STXBP5L: variants seen among roughly 807,000 people sequenced by gnomAD.
STXBP5L encodes the protein syntaxin-binding protein 5-like.
A neutral mutation model predicts 144.5 loss-of-function variants in STXBP5L; 65 were observed. That is an observed-to-expected ratio of 0.45 (90% confidence interval 0.37 to 0.55). STXBP5L has a LOEUF of 0.55. Among genes scored for constraint, STXBP5L ranks in the 20% least tolerant of loss-of-function variants. The pLI is 0.00. For missense variants in STXBP5L, 1,298 were observed against 1,405.5 expected (o/e 0.92, Z 1.22); for synonymous variants, 505 against 469.6 (o/e 1.08, Z -0.97).
At chr3:121,029,204 A>G (rs1472754644) in intron 3 of STXBP5L, among the ~76,000 whole-genome samples, 1 of 152,196 alleles carries the variant, frequency 6.6e-6, no homozygotes, top group Non-Finnish European at 1.5e-5. Context: ...GGAACCAAAA[A>G]AGAGCCCATA....
At chr3:121,321,024 A>C (rs2043953952) in intron 20 of STXBP5L, among the ~76,000 whole-genome samples, 1 of 152,208 alleles carries the variant, frequency 6.6e-6, no homozygotes, top group Non-Finnish European at 1.5e-5. Flanking sequence ...ATTTCAAAGC[A>C]GACTCAGAAA....
At position 121,418,548 on chromosome 3, in the gene STXBP5L, T is replaced by G; in HGVS notation, c.3438T>G (p.His1146Gln). 2 of 1,613,874 alleles carry G rather than the reference T, an allele frequency of 1.2e-6. No individual in the cohort carries two copies. The highest frequency in any genetic ancestry group is 1.7e-6 in the Non-Finnish European group (2 of 1,179,892). Residue 1146 changes from histidine to glutamine, a missense_variant, in exon 26 of 27, where the codon CAT becomes CAG. His to Gln is a conservative substitution (Grantham distance 24). Transcript: ENST00000471454. ...CCAGTGCAGAAGCATTTTCCAAACA[T>G]GCACATGAGGTAAACTGCCTAAGTA... The part of the protein sequence containing the change: ...MMTSAEAFSK[H>Q]AHELMLKYKD...
At chr3:121,163,161 G>A (rs530972852) in intron 9 of STXBP5L, among the ~76,000 whole-genome samples, 1 of 152,194 alleles carries the variant, frequency 6.6e-6, no homozygotes, top group South Asian at 2.1e-4. Context: ...GCAAAGACTT[G>A]GAACCAACCC....
At chr3:121,374,293 A>G (rs989357381) in intron 20 of STXBP5L, among the ~76,000 whole-genome samples, 2 of 152,214 alleles carry the variant, frequency 1.3e-5, no homozygotes, top group Non-Finnish European at 2.9e-5. Context: ...TTATAGATAC[A>G]TCAACAGGAA....
At chr3:121,258,556 A>G (rs1305671949) in intron 17 of STXBP5L, among the ~76,000 whole-genome samples, 1 of 152,186 alleles carries the variant, frequency 6.6e-6, no homozygotes, top group East Asian at 1.9e-4. Context: ...ATTTTTTGAA[A>G]GTAGCATCAG....
At position 120,969,692 on chromosome 3, in the gene STXBP5L, T is replaced by C. The variant is rs1940019788; in HGVS notation, c.287+14655T>C. Reference sequence around the variant, plus strand: ...TCGTTTCAGGTCTTATATTTAAGTCTTTTATCTATATTGACTTGATTTTTG... The same window carrying C: ...TCGTTTCAGGTCTTATATTTAAGTCCTTTATCTATATTGACTTGATTTTTG... On this transcript the variant is annotated intron_variant, in intron 3 of 26. Coordinates refer to ENST00000471454, the MANE Select transcript of STXBP5L (RefSeq NM_001308330.2). 2.6e-5 allele frequency among the ~76,000 whole-genome samples: 4 copies of C among 152,230 alleles called. No homozygotes were observed. In the South Asian group the frequency reaches 8.3e-4, roughly 32 times the overall value.
intron 7 of STXBP5L, among the ~76,000 whole-genome samples, chr3:121,149,116 G>A (rs2107972642): frequency 6.6e-6 from 1 of 151,872 alleles, no homozygotes; most frequent in South Asian, 2.1e-4. Context: ...GGCTTGTATT[G>A]TTTTTCTTGT....
chr3:121,016,142 T>C (rs1195070708), intron 3 of STXBP5L, among the ~76,000 whole-genome samples: 2 of 152,116 alleles, frequency 1.3e-5, no homozygotes, highest in Non-Finnish European at 2.9e-5. Context: ...ACTCTAAAGG[T>C]CATTTACCTC....
chr3:121,349,325 G>A (rs1330651493), intron 20 of STXBP5L, among the ~76,000 whole-genome samples: 1 of 152,076 alleles, frequency 6.6e-6, no homozygotes, highest in East Asian at 1.9e-4. Flanking sequence ...CTGAGAGACA[G>A]TTTGTTACAA....
rs1474663258 is a variant in STXBP5L at position 121,424,068 on chromosome 3, A to G, written c.*4971A>G. 2 of 152,216 alleles carry G rather than the reference A, an allele frequency of 1.3e-5. No individual in the cohort carries two copies. The highest frequency in any genetic ancestry group is 2.9e-5 in the Non-Finnish European group (2 of 68,030). The allele number at this position is 152,216 out of a possible 1,614,324, so 9.4% of individuals were successfully genotyped here. A position where few individuals can be genotyped will look rare whatever the true frequency, so the allele number is the denominator to read the frequency against. ...GCTAAGTGGAAAACTAATTCTTCAT[A>G]TTTAGACAGTGGAAATTCTCAAAAC... On this transcript the variant is annotated 3_prime_UTR_variant, in exon 27 of 27. Transcript: ENST00000471454.
intron 20 of STXBP5L, among the ~76,000 whole-genome samples, chr3:121,376,500 C>T (rs1375095015): frequency 6.6e-6 from 1 of 152,176 alleles, no homozygotes. Context: ...ATTCTTTCCC[C>T]ATTGCTTGTT....
intron 15 of STXBP5L, 112 bp from the exon 16 acceptor site, chr3:121,254,783 C>T: frequency 1.1e-6 from 1 of 911,388 alleles, no homozygotes; most frequent in Non-Finnish European, 1.6e-6. Flanking sequence ...ATGTAATTCA[C>T]TTTGTCTACT....
intron 2 of STXBP5L, among the ~76,000 whole-genome samples, chr3:120,918,260 T>TGG (rs1428468415): frequency 2.0e-5 from 3 of 152,246 alleles, no homozygotes; most frequent in African/African-American, 7.2e-5. Flanking sequence ...GGTTAGTTGA[T>TGG]TAGCAGTCTT....
intron 3 of STXBP5L, among the ~76,000 whole-genome samples, chr3:121,005,380 G>A (rs925924570): frequency 1.3e-5 from 2 of 152,156 alleles, no homozygotes; most frequent in South Asian, 2.1e-4. Flanking sequence ...TTGTATTTCT[G>A]TGTGAACGGT....
In STXBP5L at chr3:121,413,317, T is replaced by A; in HGVS notation, c.3108T>A (p.Asn1036Lys). ...CATACAGCCAAGAAATGTGTGATAA[T>A]CTACAGGTAGGTCAGGAGTTACATT... is the stretch of plus-strand genomic sequence containing the variant. ...RLTYSQEMCDNLQDMLGDLFT... is the reference protein window; with the variant it reads ...RLTYSQEMCDKLQDMLGDLFT... Residue 1036 changes from asparagine to lysine, a missense_variant, in exon 24 of 27, where the codon AAT becomes AAA. Transcript: ENST00000471454. The A allele has an allele frequency of 6.4e-7, 1 of 1,561,904 alleles. No homozygotes were observed. Among genetic ancestry groups the A allele is most frequent in the Non-Finnish European group, 8.6e-7 (1 of 1,156,358 alleles).
intron 20 of STXBP5L, chr3:121,324,384 G>T: frequency 1.8e-6 from 1 of 553,992 alleles, no homozygotes; most frequent in Non-Finnish European, 3.2e-6. Flanking sequence ...ACAAAATGCA[G>T]ATCTTTCCAA....
At chr3:120,920,867 T>C (rs191125840) in intron 2 of STXBP5L, among the ~76,000 whole-genome samples, 1 of 152,068 alleles carries the variant, frequency 6.6e-6, no homozygotes, top group Non-Finnish European at 1.5e-5. Flanking sequence ...ATATACCATA[T>C]TTTCTTTATC....
intron 3 of STXBP5L, among the ~76,000 whole-genome samples, chr3:120,982,128 A>AC (rs1300110280): frequency 6.6e-6 from 1 of 152,036 alleles, no homozygotes. Context: ...GTGCAGTTCA[A>AC]CCCCCAAGCT....
chr3:121,243,117 C>T (rs574981316), intron 14 of STXBP5L, among the ~76,000 whole-genome samples: 10 of 152,180 alleles, frequency 6.6e-5, no homozygotes, highest in South Asian at 4.2e-4. Context: ...AAGAAAAGAG[C>T]GGAAGATATA....
Sources: gnomAD v4.1 joint callset for allele counts (sites outside exome capture counted in the v4.1 genomes callset) on GRCh38, gnomAD v4.1.1 for gene constraint, MANE v1.5 for transcripts, NCBI Gene and HGNC (gene_info 2026-07-23, HGNC 2026-07-21) for gene names.